SASH1: variants seen among roughly 807,000 people sequenced by gnomAD.
The protein encoded by SASH1 is SAM and SH3 domain containing 1, also known as SAM and SH3 domain-containing protein 1.
A neutral mutation model predicts 125.2 loss-of-function variants in SASH1; 44 were observed. The ratio of observed to expected loss-of-function variants is 0.35; its 90% CI spans 0.28 to 0.45. SASH1 has a LOEUF of 0.45. SASH1 is among the 20% of genes least tolerant of loss of function. The pLI is 1.00. For missense variants in SASH1, 1,426 were observed against 1,614.5 expected (o/e 0.88, Z 2.00); for synonymous variants, 639 against 649.1 (o/e 0.98, Z 0.24).
chr6:148,483,510 A>C (rs1404154237), intron 7 of SASH1, among the ~76,000 whole-genome samples: 1 of 152,188 alleles, frequency 6.6e-6, no homozygotes, highest in Non-Finnish European at 1.5e-5. Flanking sequence ...AGAAACCTCT[A>C]AGTGAGGGAG....
chr6:148,457,415 T>G (rs1169967453), intron 4 of SASH1, among the ~76,000 whole-genome samples: 1 of 152,138 alleles, frequency 6.6e-6, no homozygotes, highest in Non-Finnish European at 1.5e-5. Context: ...AGCTCAAGTT[T>G]TAGTGGGAAA....
rs55644027 is a variant in SASH1 at position 148,537,776 on chromosome 6, C to CTGTGTGTGTGTGTGTGTG, written c.2096-2628_2096-2611dup. On this transcript the variant is annotated intron_variant, in intron 16 of 19. Coordinates refer to ENST00000367467, the MANE Select transcript of SASH1 (RefSeq NM_015278.5). ...ATATTCATAGGTGTCTTAGCATATTCTGTGTGTGTGTGTGTGTGTGTGTGT... is the reference window on the plus strand; with the variant it reads ...ATATTCATAGGTGTCTTAGCATATTCTGTGTGTGTGTGTGTGTGTGTGTGTGTGTGTGTGTGTGTGTGT... Among the ~76,000 whole-genome samples, 60 of 125,688 alleles carry CTGTGTGTGTGTGTGTGTG rather than the reference C, an allele frequency of 4.8e-4. 1 individual carries two copies. Among genetic ancestry groups the CTGTGTGTGTGTGTGTGTG allele is most frequent in the East Asian group, 2.6e-3 (10 of 3,870 alleles). The allele number at this position is 125,688 out of a possible 152,430, so 82.5% of individuals were successfully genotyped here.
chr6:148,517,595 C>T (rs1300532349), intron 9 of SASH1, among the ~76,000 whole-genome samples: 1 of 152,228 alleles, frequency 6.6e-6, no homozygotes, highest in Non-Finnish European at 1.5e-5. Context: ...GAAAAGCCCG[C>T]ACTACAGGAG....
chr6:148,396,157 G>A (rs531099138), intron 2 of SASH1, among the ~76,000 whole-genome samples: 5 of 147,468 alleles, frequency 3.4e-5, no homozygotes, highest in African/African-American at 1.2e-4. Context: ...TAAAAATATT[G>A]CATATTATAA....
At chr6:148,221,953 T>C in the SASH1 span, among the ~76,000 whole-genome samples, 1 of 152,222 alleles carries the variant, frequency 6.6e-6, no homozygotes, top group Non-Finnish European at 1.5e-5. Flanking sequence ...CCTCCTTTCT[T>C]CAGCCTCTTC....
intron 2 of SASH1, among the ~76,000 whole-genome samples, chr6:148,422,736 A>G (rs933673848): frequency 6.6e-6 from 1 of 151,334 alleles, no homozygotes; most frequent in African/African-American, 2.4e-5. Context: ...CAAGAACAGA[A>G]ACATGTCATT....
chr6:148,336,280 A>G (rs1025867019), intron 1 of SASH1, among the ~76,000 whole-genome samples: 1 of 145,348 alleles, frequency 6.9e-6, no homozygotes, highest in Non-Finnish European at 1.5e-5. Context: ...GGTTCAAGAG[A>G]TTCTCCTGCC....
chr6:148,254,993 A>T, the SASH1 span, among the ~76,000 whole-genome samples: 3 of 152,212 alleles, frequency 2.0e-5, no homozygotes, highest in Admixed American at 6.5e-5. Flanking sequence ...ACCAAATGAG[A>T]TGTATTTATA....
intron 1 of SASH1, among the ~76,000 whole-genome samples, chr6:148,329,457 T>C (rs1399575869): frequency 6.6e-6 from 1 of 152,246 alleles, no homozygotes; most frequent in Non-Finnish European, 1.5e-5. Context: ...GAAATAACCA[T>C]GACCCCAATG....
intron 1 of SASH1, among the ~76,000 whole-genome samples, chr6:148,361,655 A>G (rs756260513): frequency 3.9e-5 from 6 of 152,080 alleles, no homozygotes; most frequent in Non-Finnish European, 7.4e-5. Flanking sequence ...CAGGTTTCCT[A>G]CCTTGCACAG....
chr6:148,509,405 C>T (rs1376743612), intron 8 of SASH1: 1 of 158,314 alleles, frequency 6.3e-6, no homozygotes, highest in South Asian at 1.8e-4. Flanking sequence ...TTACGTGGCG[C>T]TGGGGGAGAT....
chr6:148,204,177 GT>G, the SASH1 span, among the ~76,000 whole-genome samples: 3 of 152,204 alleles, frequency 2.0e-5, no homozygotes, highest in African/African-American at 7.2e-5. Context: ...AATGGAAAGT[GT>G]AGGGTAACGC....
intron 2 of SASH1, among the ~76,000 whole-genome samples, chr6:148,418,103 T>C (rs1784902025): frequency 1.3e-5 from 2 of 152,184 alleles, no homozygotes; most frequent in Non-Finnish European, 2.9e-5. Flanking sequence ...ATGAGGTATA[T>C]AGATGTTTGG....
chr6:148,360,059 AT>A (rs59472558), intron 1 of SASH1, among the ~76,000 whole-genome samples: 142,503 of 151,866 alleles, frequency 0.94, 66,872 homozygotes, highest in Middle Eastern at 0.97. Flanking sequence ...ACCCAGCTGA[AT>A]TTTTTTTTTC....
intron 1 of SASH1, among the ~76,000 whole-genome samples, chr6:148,367,004 C>T (rs1160601606): frequency 9.6e-6 from 1 of 103,784 alleles, no homozygotes; most frequent in Non-Finnish European, 1.8e-5. Context: ...CTGAGTCTTG[C>T]TCTGTTGCCC....
chr6:148,357,072 T>A lies in SASH1; in HGVS notation c.156+13849T>A, dbSNP rs1175508602. ...CTGATTTGTTTGAGTTCCTTGTAGA[T>A]TCTGGATATTAGTTCTTTGTTGGGT... On this transcript the variant is annotated intron_variant, in intron 1 of 19. Coordinates refer to ENST00000367467, the MANE Select transcript of SASH1 (RefSeq NM_015278.5). 5.9e-5 allele frequency among the ~76,000 whole-genome samples: 9 copies of A among 152,216 alleles called. No homozygotes were observed. The South Asian group carries it at 1.0e-3, about 18-fold the overall frequency.
At position 148,544,889 on chromosome 6, in the gene SASH1, A is replaced by G; in HGVS notation, c.3348+71A>G. 6.9e-7 allele frequency: 1 copy of G among 1,447,490 alleles called. No homozygotes were observed. Among genetic ancestry groups the G allele is most frequent in the Non-Finnish European group, 9.2e-7 (1 of 1,088,040 alleles). 89.7% of individuals were successfully genotyped at this position (1,447,490 alleles called of 1,614,324 possible). On this transcript the variant is annotated intron_variant, in intron 18 of 19. Coordinates refer to ENST00000367467, the MANE Select transcript of SASH1 (RefSeq NM_015278.5). This position sits in a 1 kb window ranked among gnomAD's most constrained non-coding sequence, Gnocchi z 6.4. Reference sequence around the variant, plus strand: ...AGAAGTCAGGCAGCCAGGTGAGATGAACCCACATCTGAAGCCAGCCCGGTA... The same window carrying G: ...AGAAGTCAGGCAGCCAGGTGAGATGGACCCACATCTGAAGCCAGCCCGGTA...
chr6:148,413,213 T>C (rs1784693991), intron 2 of SASH1, among the ~76,000 whole-genome samples: 1 of 152,146 alleles, frequency 6.6e-6, no homozygotes, highest in African/African-American at 2.4e-5. Context: ...CATTGTTCTG[T>C]TGTTAAGAGG....
At chr6:148,391,860 G>T (rs1291323410) in intron 2 of SASH1, among the ~76,000 whole-genome samples, 2 of 152,134 alleles carry the variant, frequency 1.3e-5, no homozygotes, top group Non-Finnish European at 2.9e-5. Flanking sequence ...CTCAAGAAGT[G>T]GGGTTGAGGC....
Sources: allele counts gnomAD v4.1 joint callset (sites outside exome capture counted in the v4.1 genomes callset), GRCh38; gene constraint gnomAD v4.1.1; non-coding constraint Gnocchi (gnomAD v3.1); transcripts MANE v1.5; gene names NCBI Gene and HGNC (gene_info 2026-07-23, HGNC 2026-07-21).